The following SHMT1 variants were observed in gnomAD, a reference collection of about 807,000 sequenced individuals.
SHMT1 encodes the protein serine hydroxymethyltransferase 1, also known as serine hydroxymethyltransferase, cytosolic.
A neutral mutation model predicts 49.0 loss-of-function variants in SHMT1; 45 were observed. That is an observed-to-expected ratio of 0.92 (90% confidence interval 0.72 to 1.18). The LOEUF (loss-of-function observed/expected upper bound fraction) is 1.18, where lower values mean the gene tolerates loss of function less well. SHMT1 is among the 50% of genes most tolerant of loss of function. SHMT1 has a pLI of 0.00. For missense variants in SHMT1, 541 were observed against 612.4 expected (o/e 0.88, Z 1.23); for synonymous variants, 232 against 246.6 (o/e 0.94, Z 0.55).
intron 3 of SHMT1, 80 bp downstream of exon 3, chr17:18,353,592 T>C (rs1302039216): frequency 6.8e-7 from 1 of 1,461,652 alleles, no homozygotes; most frequent in Admixed American, 1.7e-5. Context: ...TTCTGAAATT[T>C]CCAAATTGTT....
chr17:18,336,960 A>G (rs192383536), intron 7 of SHMT1, among the ~76,000 whole-genome samples: 6 of 152,276 alleles, frequency 3.9e-5, no homozygotes, highest in Admixed American at 3.3e-4. Context: ...AATAAAATTT[A>G]AAGAGTCTCC....
At chr17:18,356,038 T>G in intron 1 of SHMT1, 38 bp from the exon 2 acceptor site, 1 of 935,946 alleles carries the variant, frequency 1.1e-6, no homozygotes, top group Non-Finnish European at 1.7e-6. Context: ...CTTCCAGAAT[T>G]AAATTTATTT....
In SHMT1 at chr17:18,328,684, G is replaced by C. The variant is rs1979276; in HGVS notation, c.*66C>G. On this transcript the variant is annotated 3_prime_UTR_variant, in exon 12 of 12. Coordinates refer to ENST00000316694, the MANE Select transcript of SHMT1 (RefSeq NM_004169.5). The stretch of plus-strand genomic sequence containing the variant: ...TTTGGAGCAGCTCATCCATCTCTCA[G>C]GTGGGGGTCCTCCGGCAGGCAGCTT... 64 of 1,527,976 alleles carry C rather than the reference G, an allele frequency of 4.2e-5. No individual in the cohort carries two copies. Among genetic ancestry groups the C allele is most frequent in the Non-Finnish European group, 5.5e-5 (62 of 1,131,984 alleles). 94.7% of individuals were successfully genotyped at this position (1,527,976 alleles called of 1,614,324 possible).
At chr17:18,329,010 C>T (rs1245629671) in intron 11 of SHMT1, 91 bp from the exon 12 acceptor site, 10 of 1,527,936 alleles carry the variant, frequency 6.5e-6, no homozygotes, top group Non-Finnish European at 8.1e-6. Flanking sequence ...CAGAATGTCC[C>T]CCAGCTGGGG....
chr17:18,344,379 G>A (rs1984852912), intron 5 of SHMT1, among the ~76,000 whole-genome samples: 1 of 151,910 alleles, frequency 6.6e-6, no homozygotes, highest in African/African-American at 2.4e-5. Flanking sequence ...AAAAATGGAC[G>A]TAATTCACCG....
intron 3 of SHMT1, chr17:18,353,441 G>C (rs909185282): frequency 1.8e-6 from 1 of 559,798 alleles, no homozygotes; most frequent in Admixed American, 3.0e-5. Flanking sequence ...TGTTTTTCTA[G>C]AAAGCCCCCA....
chr17:18,344,117 C>T (rs1346313761), intron 5 of SHMT1, among the ~76,000 whole-genome samples: 3 of 152,014 alleles, frequency 2.0e-5, no homozygotes, highest in Non-Finnish European at 2.9e-5. Context: ...ACTACCAGCA[C>T]ATCTGGAGTG....
At chr17:18,333,540 A>G (rs1225173044) in intron 8 of SHMT1, 2 of 163,426 alleles carry the variant, frequency 1.2e-5, no homozygotes, top group Non-Finnish European at 2.6e-5. Flanking sequence ...ATCTCGGTTC[A>G]CTGCAACCTC....
intron 2 of SHMT1, 41 bp from the exon 3 acceptor site, chr17:18,353,858 A>C (rs1210573882): frequency 6.2e-7 from 1 of 1,606,394 alleles, no homozygotes; most frequent in Non-Finnish European, 8.5e-7. Flanking sequence ...TGGAAATTTT[A>C]GTTTAAAATT....
chr17:18,351,781 AC>A, intron 3 of SHMT1, among the ~76,000 whole-genome samples: 1 of 152,024 alleles, frequency 6.6e-6, no homozygotes, highest in East Asian at 1.9e-4. Context: ...TAAAAAAAAA[AC>A]AACAAGCCCT....
chr17:18,350,815 C>T (rs533583464), intron 3 of SHMT1, among the ~76,000 whole-genome samples: 1 of 151,746 alleles, frequency 6.6e-6, no homozygotes, highest in African/African-American at 2.4e-5. Flanking sequence ...TCACTGCAAC[C>T]TCCGCCTCCC....
chr17:18,343,875 G>A (rs1443554956), intron 5 of SHMT1, among the ~76,000 whole-genome samples: 1 of 146,472 alleles, frequency 6.8e-6, no homozygotes, highest in Admixed American at 7.0e-5. Context: ...AGCCGAGACA[G>A]AGCCACTGCA....
At chr17:18,346,256 A>C (rs1228588611) in intron 5 of SHMT1, among the ~76,000 whole-genome samples, 1 of 152,208 alleles carries the variant, frequency 6.6e-6, no homozygotes, top group Non-Finnish European at 1.5e-5. Flanking sequence ...ACTAAGCAGG[A>C]ATGGCACATT....
Position 18,330,588 on chromosome 17 carries a change from A to G in SHMT1, c.1138T>C (p.Cys380Arg), listed in dbSNP as rs1983095402. 9 of 1,613,932 alleles carry G rather than the reference A, an allele frequency of 5.6e-6. No individual in the cohort carries two copies. Among genetic ancestry groups the G allele is most frequent in the Non-Finnish European group, 5.9e-6 (7 of 1,179,768 alleles). The change falls in exon 10 of 12, where the codon TGT becomes CGT. Residue 380 changes from cysteine to arginine, a missense_variant. Physicochemically the swap from Cys to Arg is radical, Grantham distance 180 (BLOSUM62 -3). Coordinates refer to ENST00000316694, the MANE Select transcript of SHMT1 (RefSeq NM_004169.5). ...GTGTTCTTGTTGCAGGCAATAGAACAGGCTTCTAGCACCTTCTCAGCCCTT... is the reference window on the plus strand; with the variant it reads ...GTGTTCTTGTTGCAGGCAATAGAACGGGCTTCTAGCACCTTCTCAGCCCTT... ...GGRAEKVLEA[C>R]SIACNKNTCP...
intron 1 of SHMT1, among the ~76,000 whole-genome samples, chr17:18,357,173 T>C (rs6502651): frequency 1 from 151,055 of 151,306 alleles, 75,402 homozygotes; most frequent in Middle Eastern, 1. Flanking sequence ...CCCAGCTACT[T>C]GGGAGGCTGA....
intron 8 of SHMT1, among the ~76,000 whole-genome samples, chr17:18,334,153 G>T (rs1983542342): frequency 6.6e-6 from 1 of 152,152 alleles, no homozygotes; most frequent in Non-Finnish European, 1.5e-5. Context: ...TGTTGGCCAG[G>T]CTGTTCTGGA....
At chr17:18,353,628 C>T (rs1985936605) in intron 3 of SHMT1, 44 bp downstream of exon 3, 2 of 1,602,974 alleles carry the variant, frequency 1.2e-6, no homozygotes, top group African/African-American at 2.7e-5. Context: ...CTGAGTACTC[C>T]CTATGACTGT....
chr17:18,342,648 T>A (rs1984645808), intron 5 of SHMT1, among the ~76,000 whole-genome samples: 2 of 151,728 alleles, frequency 1.3e-5, no homozygotes. Flanking sequence ...TCTAAAACAA[T>A]CGAACTGCTG....
intron 1 of SHMT1, among the ~76,000 whole-genome samples, chr17:18,361,771 GT>G (rs1986801859): frequency 1.3e-5 from 2 of 151,138 alleles, no homozygotes; most frequent in Admixed American, 1.3e-4. Flanking sequence ...GGGCAACAGA[GT>G]GAGACTCCGT....
Sources: allele counts gnomAD v4.1 joint callset (sites outside exome capture counted in the v4.1 genomes callset), GRCh38; gene constraint gnomAD v4.1.1; transcripts MANE v1.5; gene names NCBI Gene and HGNC (gene_info 2026-07-23, HGNC 2026-07-21).